Variants in CYP2C18 observed in about 807,000 individuals in gnomAD.
The protein encoded by CYP2C18 is cytochrome P450 2C18.
CYP2C18 carries 38 observed loss-of-function variants against 41.3 expected under a neutral mutation model. The ratio of observed to expected loss-of-function variants is 0.92; its 90% CI spans 0.71 to 1.21. CYP2C18 has a LOEUF of 1.21. Ranked by LOEUF, CYP2C18 falls within the 50% of genes most tolerant of loss-of-function variation. The pLI, the probability that CYP2C18 is intolerant of heterozygous loss-of-function variation, is 0.00. For missense variants in CYP2C18, 635 were observed against 591.4 expected, an observed-to-expected ratio of 1.07 and a Z score of -0.77; for synonymous variants, 236 against 210.0, an observed-to-expected ratio of 1.12 and a Z score of -1.07.
intron 4 of CYP2C18, among the ~76,000 whole-genome samples, chr10:94,696,212 C>T (rs1235751507): frequency 1.3e-5 from 2 of 152,188 alleles, no homozygotes; most frequent in African/African-American, 4.8e-5. Flanking sequence ...CCCCAGTAGC[C>T]TAACTGGGAG....
intron 4 of CYP2C18, among the ~76,000 whole-genome samples, chr10:94,703,356 C>T (rs1847279201): frequency 6.6e-6 from 1 of 152,208 alleles, no homozygotes; most frequent in Non-Finnish European, 1.5e-5. Flanking sequence ...CCTCCAGGTG[C>T]TCTGTCCTAG....
At chr10:94,692,864 CTTTG>C (rs1382783400) in intron 3 of CYP2C18, among the ~76,000 whole-genome samples, 1 of 152,086 alleles carries the variant, frequency 6.6e-6, no homozygotes, top group Non-Finnish European at 1.5e-5. Context: ...AGTTCATGTC[CTTTG>C]TAAGGACATG....
At chr10:94,692,623 G>A (rs941962458) in intron 3 of CYP2C18, among the ~76,000 whole-genome samples, 3 of 152,108 alleles carry the variant, frequency 2.0e-5, no homozygotes, top group Non-Finnish European at 2.9e-5. Flanking sequence ...CGATTCCTCA[G>A]GGATCTAGAA....
At chr10:94,733,712 C>A in intron 8 of CYP2C18, 1 of 486,260 alleles carries the variant, frequency 2.1e-6, no homozygotes, top group Non-Finnish European at 2.7e-6. Context: ...CTGAGCTACC[C>A]AAGAGCTCTT....
At chr10:94,686,525 A>G (rs1187614640) in intron 1 of CYP2C18, among the ~76,000 whole-genome samples, 2 of 152,166 alleles carry the variant, frequency 1.3e-5, no homozygotes, top group Non-Finnish European at 2.9e-5. Flanking sequence ...GCTTTTCACC[A>G]TTAAATATGA....
intron 7 of CYP2C18, among the ~76,000 whole-genome samples, chr10:94,730,231 GA>G (rs989844447): frequency 2.6e-5 from 4 of 152,050 alleles, no homozygotes; most frequent in Admixed American, 2.0e-4. Flanking sequence ...ACTCATAAAT[GA>G]AAATTTTTAG....
At position 94,735,487 on chromosome 10, in the gene CYP2C18, A is replaced by G. The variant is rs754066112; in HGVS notation, c.*43A>G. 5 of 1,597,650 alleles carry G rather than the reference A, an allele frequency of 3.1e-6. No homozygotes were observed. Among genetic ancestry groups the G allele is most frequent in the Non-Finnish European group, 3.4e-6 (4 of 1,165,886 alleles). On this transcript the variant is annotated 3_prime_UTR_variant, in exon 9 of 9. Coordinates refer to ENST00000285979, the MANE Select transcript of CYP2C18 (RefSeq NM_000772.3). ...GGCTGCTCCTGTGCTGTCACCTGCA[A>G]TTCTCCCTTATCAGGGCCATTGGCC...
intron 5 of CYP2C18, among the ~76,000 whole-genome samples, chr10:94,715,164 C>A (rs972253278): frequency 2.0e-5 from 3 of 152,034 alleles, no homozygotes; most frequent in African/African-American, 7.2e-5. Context: ...AATTGAATAC[C>A]CTTTATTTCT....
Position 94,706,790 on chromosome 10 carries a change from A to G in CYP2C18, c.649A>G (p.Asn217Asp), listed in dbSNP as rs764322390. 6.4e-7 allele frequency: 1 copy of G among 1,560,242 alleles called. No homozygotes were observed. The highest frequency in any genetic ancestry group is 2.3e-5 in the East Asian group (1 of 44,334). The change falls in exon 5 of 9, where the codon AAT becomes GAT. Residue 217 changes from asparagine (N) to aspartate (D), a missense_variant. By Grantham distance (23) the Asn-to-Asp change is conservative (BLOSUM62 1). Coordinates refer to ENST00000285979, the MANE Select transcript of CYP2C18 (RefSeq NM_000772.3). ...ATTTTTAAAAATCTTTAAGGTCTGCAATAATTTCCCTGCTCTCATCGATTA... is the reference window on the plus strand; with the variant it reads ...ATTTTTAAAAATCTTTAAGGTCTGCGATAATTTCCCTGCTCTCATCGATTA... ...ILSSPWIQVCNNFPALIDYLP... is the reference protein window; with the variant it reads ...ILSSPWIQVCDNFPALIDYLP...
At chr10:94,727,101 A>C (rs957211437) in intron 7 of CYP2C18, among the ~76,000 whole-genome samples, 7 of 152,114 alleles carry the variant, frequency 4.6e-5, no homozygotes, top group African/African-American at 1.4e-4. Flanking sequence ...ATAGCCATGG[A>C]TCATTCATGG....
chr10:94,734,812 GAC>G (rs1248273183), intron 8 of CYP2C18, among the ~76,000 whole-genome samples: 4 of 152,108 alleles, frequency 2.6e-5, no homozygotes, highest in African/African-American at 9.7e-5. Flanking sequence ...TAAAATGAGA[GAC>G]TGACATGTTT....
At chr10:94,703,189 C>T (rs1469510847) in intron 4 of CYP2C18, among the ~76,000 whole-genome samples, 1 of 152,202 alleles carries the variant, frequency 6.6e-6, no homozygotes, top group East Asian at 1.9e-4. Context: ...TGGGAGGTGT[C>T]TCCCTCTCAG....
intron 5 of CYP2C18, among the ~76,000 whole-genome samples, chr10:94,718,444 G>T (rs1847593198): frequency 6.6e-6 from 1 of 151,958 alleles, no homozygotes; most frequent in Non-Finnish European, 1.5e-5. Flanking sequence ...TATTTTTCTT[G>T]TCTCATTGCT....
At chr10:94,719,074 T>A (rs1167890449) in intron 5 of CYP2C18, among the ~76,000 whole-genome samples, 4 of 152,158 alleles carry the variant, frequency 2.6e-5, no homozygotes. Flanking sequence ...TGTGAATAGA[T>A]ATTTATTTGG....
chr10:94,735,280 G>T lies in CYP2C18; in HGVS notation c.1309G>T (p.Gly437Ter). The change falls in exon 9 of 9, where the codon GGA becomes TGA. Residue 437 changes from glycine to a stop codon, truncating the protein, a stop_gained. Transcript: ENST00000285979. LOFTEE classifies it low-confidence loss of function (END_TRUNC). ...PFSAGKRMCM[G>*]EGLARMELFL... ...ATTTTCAGGAAAACGGATGTGTATGGGAGAGGGCCTGGCCCGCATGGAGCT... is the reference window on the plus strand; with the variant it reads ...ATTTTCAGGAAAACGGATGTGTATGTGAGAGGGCCTGGCCCGCATGGAGCT... 1.2e-6 allele frequency: 2 copies of T among 1,613,472 alleles called. No homozygotes were observed. The highest frequency in any genetic ancestry group is 1.7e-6 in the Non-Finnish European group (2 of 1,179,640).
At chr10:94,696,009 C>T (rs955558996) in intron 4 of CYP2C18, among the ~76,000 whole-genome samples, 26 of 152,102 alleles carry the variant, frequency 1.7e-4, no homozygotes, top group South Asian at 2.1e-4. Context: ...TGGAGCCCAC[C>T]GCAGCTCAAG....
intron 5 of CYP2C18, among the ~76,000 whole-genome samples, chr10:94,713,001 A>G (rs1009359972): frequency 6.6e-6 from 1 of 152,074 alleles, no homozygotes; most frequent in Non-Finnish European, 1.5e-5. Flanking sequence ...AGAAATATTC[A>G]TTCAGGCTAT....
chr10:94,700,010 C>T (rs925470810), intron 4 of CYP2C18, among the ~76,000 whole-genome samples: 5 of 152,122 alleles, frequency 3.3e-5, no homozygotes, highest in African/African-American at 1.2e-4. Flanking sequence ...ATTTCTTGCT[C>T]ATGGGTAGGA....
At chr10:94,684,011 A>C in intron 1 of CYP2C18, 24 bp downstream of exon 1, 3 of 1,553,432 alleles carry the variant, frequency 1.9e-6, no homozygotes, top group Non-Finnish European at 2.6e-6. Context: ...ATGTTCCTCC[A>C]GTAATGTACA....
Sources: gnomAD v4.1 joint callset for allele counts (sites outside exome capture counted in the v4.1 genomes callset) on GRCh38, gnomAD v4.1.1 for gene constraint, MANE v1.5 for transcripts, NCBI Gene and HGNC (gene_info 2026-07-23, HGNC 2026-07-21) for gene names.